Variants in TASP1 observed in about 807,000 individuals in gnomAD.
The protein encoded by TASP1 is taspase 1, also known as threonine aspartase 1.
A neutral mutation model predicts 56.6 loss-of-function variants in TASP1; 16 were observed. The observed-to-expected ratio is 0.28, with a 90% confidence interval of 0.19 to 0.43. The LOEUF (loss-of-function observed/expected upper bound fraction) is 0.43, where lower values mean the gene tolerates loss of function less well. TASP1 is among the 20% of genes least tolerant of loss of function. The probability of loss-of-function intolerance (pLI) is 1.00; values close to 1 mark genes in which losing one functional copy is unlikely to be tolerated. For missense variants in TASP1, 393 were observed against 511.6 expected, an observed-to-expected ratio of 0.77 and a Z score of 2.24; for synonymous variants, 179 against 184.2, an observed-to-expected ratio of 0.97 and a Z score of 0.23.
chr20:13,395,266 T>C (rs778935262), intron 13 of TASP1, among the ~76,000 whole-genome samples: 1 of 152,174 alleles, frequency 6.6e-6, no homozygotes. Flanking sequence ...TGAAAAACAC[T>C]AGGGTAAAGT....
At chr20:13,146,722 C>T in the TASP1 span, among the ~76,000 whole-genome samples, 1 of 152,164 alleles carries the variant, frequency 6.6e-6, no homozygotes, top group Admixed American at 6.5e-5. Context: ...AGAAATTTTT[C>T]ATCTTCTATT....
chr20:13,541,105 CAAA>C (rs781348374), intron 8 of TASP1, among the ~76,000 whole-genome samples: 3 of 150,182 alleles, frequency 2.0e-5, no homozygotes, highest in Non-Finnish European at 3.0e-5. Flanking sequence ...AGAGAATAGA[CAAA>C]ATAAAAGAGA....
the TASP1 span, among the ~76,000 whole-genome samples, chr20:13,250,963 A>G: frequency 2.6e-5 from 4 of 152,192 alleles, no homozygotes; most frequent in African/African-American, 4.8e-5. Context: ...GAATTATTTT[A>G]TCATCTCTTC....
intron 10 of TASP1, among the ~76,000 whole-genome samples, chr20:13,496,399 G>A (rs533857675): frequency 1.3e-5 from 2 of 151,948 alleles, no homozygotes; most frequent in South Asian, 2.1e-4. Context: ...GAACTACAGT[G>A]ATACTATCAT....
chr20:13,585,159 G>A lies in TASP1; in HGVS notation c.403+2091C>T, dbSNP rs182336283. 4.2e-3 allele frequency among the ~76,000 whole-genome samples: 639 copies of A among 151,928 alleles called. 2 individuals carry two copies. The highest frequency in any genetic ancestry group is 6.9e-3 in the Non-Finnish European group (466 of 67,932). ...ATGGACCATTTGGATATCCATATGA[G>A]GAAAAAATAAATAAATGTTGACCCC... On this transcript the variant is annotated intron_variant, in intron 5 of 13. Transcript: ENST00000337743.
At chr20:13,626,321 G>C (rs950638616) in intron 2 of TASP1, among the ~76,000 whole-genome samples, 2 of 152,136 alleles carry the variant, frequency 1.3e-5, no homozygotes, top group African/African-American at 4.8e-5. Flanking sequence ...CAGCTACTCA[G>C]GGGGCTGGGG....
chr20:13,332,567 C>T, the TASP1 span, among the ~76,000 whole-genome samples: 1 of 152,124 alleles, frequency 6.6e-6, no homozygotes, highest in South Asian at 2.1e-4. Flanking sequence ...TTAATTCTTA[C>T]CAGACCAATG....
intron 11 of TASP1, among the ~76,000 whole-genome samples, chr20:13,478,762 A>C (rs1375465604): frequency 2.0e-5 from 3 of 152,168 alleles, no homozygotes; most frequent in African/African-American, 7.2e-5. Context: ...TGTATGTTCC[A>C]AACTCTAGAG....
At chr20:13,503,156 C>T (rs2044006660) in intron 10 of TASP1, among the ~76,000 whole-genome samples, 1 of 152,110 alleles carries the variant, frequency 6.6e-6, no homozygotes, top group Admixed American at 6.6e-5. Context: ...CTACTAACCA[C>T]TCCATGACTC....
the TASP1 span, among the ~76,000 whole-genome samples, chr20:13,314,995 C>A: frequency 6.6e-6 from 1 of 151,752 alleles, no homozygotes; most frequent in African/African-American, 2.4e-5. Context: ...ATGTACATTG[C>A]AAAATCTAGA....
At chr20:13,468,653 T>C (rs2044354898) in intron 11 of TASP1, among the ~76,000 whole-genome samples, 1 of 152,162 alleles carries the variant, frequency 6.6e-6, no homozygotes, top group Non-Finnish European at 1.5e-5. Context: ...CAACTCAACC[T>C]TCAGTGTCAT....
At chr20:13,630,620 C>G (rs916240957) in intron 1 of TASP1, among the ~76,000 whole-genome samples, 8 of 132,830 alleles carry the variant, frequency 6.0e-5, no homozygotes, top group Non-Finnish European at 1.2e-4. Context: ...ACTCAGGAGG[C>G]AGAAGTTGCA....
intron 11 of TASP1, among the ~76,000 whole-genome samples, chr20:13,457,107 A>G (rs1343925610): frequency 6.7e-6 from 1 of 150,284 alleles, no homozygotes; most frequent in Non-Finnish European, 1.5e-5. Context: ...AACATCACAC[A>G]CTGGGGCCTG....
chr20:13,221,523 C>A, the TASP1 span, among the ~76,000 whole-genome samples: 1 of 144,086 alleles, frequency 6.9e-6, no homozygotes, highest in African/African-American at 2.5e-5. Context: ...GGCTTGGACA[C>A]CCCCGGCCTC....
chr20:13,317,450 G>A, the TASP1 span, among the ~76,000 whole-genome samples: 2 of 150,992 alleles, frequency 1.3e-5, no homozygotes, highest in African/African-American at 4.9e-5. Context: ...GTTCTAAAGT[G>A]TATAGGGAGA....
At chr20:13,297,502 A>C in the TASP1 span, among the ~76,000 whole-genome samples, 1 of 152,308 alleles carries the variant, frequency 6.6e-6, no homozygotes, top group Non-Finnish European at 1.5e-5. Flanking sequence ...GGGGTAACCC[A>C]AACTAAGACA....
chr20:13,168,184 T>C, the TASP1 span: 33,251 of 146,400 alleles, frequency 0.23, 4,002 homozygotes, highest in South Asian at 0.42. Context: ...TTCTTTCTTT[T>C]TTTTTTTTTT....
At chr20:13,396,027 C>T (rs1455318918) in intron 13 of TASP1, among the ~76,000 whole-genome samples, 5 of 152,092 alleles carry the variant, frequency 3.3e-5, no homozygotes, top group Non-Finnish European at 5.9e-5. Flanking sequence ...GTGCCACAAA[C>T]GTGATACACC....
chr20:13,394,307 C>CAAAAAAAAAAAAAAAAAAAAAAAAA (rs57418361), intron 13 of TASP1, among the ~76,000 whole-genome samples: 2 of 42,948 alleles, frequency 4.7e-5, no homozygotes, highest in African/African-American at 1.8e-4. Context: ...CACTCCCTCT[C>CAAAAAAAAAAAAAAAAAAAAAAAAA]AAAAAAAAAA....
Sources: allele counts gnomAD v4.1 joint callset (sites outside exome capture counted in the v4.1 genomes callset), GRCh38; gene constraint gnomAD v4.1.1; transcripts MANE v1.5; gene names NCBI Gene and HGNC (gene_info 2026-07-23, HGNC 2026-07-21).